Variants in CHIC2 observed in about 807,000 individuals in gnomAD.
The protein encoded by CHIC2 is cysteine rich hydrophobic domain 2, also known as cysteine-rich hydrophobic domain-containing protein 2.
Under a neutral mutation model 25.9 loss-of-function variants are expected in CHIC2, and 14 were observed. The observed-to-expected ratio is 0.54, with a 90% CI of 0.36 to 0.85. The LOEUF is 0.85. CHIC2 is among the 40% of genes least tolerant of loss of function. The pLI is 0.01. For missense variants in CHIC2, 146 were observed against 202.0 expected (o/e 0.72, Z 1.68); for synonymous variants, 70 against 72.0 (o/e 0.97, Z 0.14).
intron 3 of CHIC2, among the ~76,000 whole-genome samples, chr4:54,028,540 G>C (rs1347581829): frequency 6.6e-6 from 1 of 151,528 alleles, no homozygotes; most frequent in Admixed American, 6.6e-5. Flanking sequence ...CACTGGTAAA[G>C]AGTGAGTAAG....
At chr4:54,091,714 C>G in the CHIC2 span, among the ~76,000 whole-genome samples, 1 of 152,212 alleles carries the variant, frequency 6.6e-6, no homozygotes, top group African/African-American at 2.4e-5. Context: ...AAAGGAAAAG[C>G]AATCTCATTC....
chr4:54,087,543 C>T, the CHIC2 span: 1 of 1,155,286 alleles, frequency 8.7e-7, no homozygotes, highest in East Asian at 2.8e-5. Context: ...CCCCTGTATG[C>T]AGAAATCCTC....
intron 3 of CHIC2, among the ~76,000 whole-genome samples, chr4:54,014,818 GAATAA>G (rs1366941127): frequency 1.3e-5 from 2 of 152,100 alleles, no homozygotes; most frequent in African/African-American, 4.8e-5. Context: ...TTGAGAATAT[GAATAA>G]AAGAGGGTAA....
chr4:54,062,982 T>C (rs1458089367), intron 1 of CHIC2, among the ~76,000 whole-genome samples: 1 of 152,238 alleles, frequency 6.6e-6, no homozygotes, highest in Admixed American at 6.5e-5. Flanking sequence ...GTTTTTACCC[T>C]GTTAAGTCAC....
At chr4:54,031,659 C>A (rs1231464165) in intron 3 of CHIC2, among the ~76,000 whole-genome samples, 1 of 128,882 alleles carries the variant, frequency 7.8e-6, no homozygotes, top group Non-Finnish European at 1.5e-5. Flanking sequence ...CACTATGTAG[C>A]CTTAGGCTGG....
At chr4:54,011,542 CA>C (rs1310871295) in intron 5 of CHIC2, among the ~76,000 whole-genome samples, 1 of 152,050 alleles carries the variant, frequency 6.6e-6, no homozygotes, top group Non-Finnish European at 1.5e-5. Flanking sequence ...ACTTAGGAGT[CA>C]ACATTAAATA....
the CHIC2 span, among the ~76,000 whole-genome samples, chr4:54,073,766 GAAGA>G: frequency 6.6e-6 from 1 of 152,318 alleles, no homozygotes; most frequent in East Asian, 1.9e-4. Flanking sequence ...AGCAAGGCTA[GAAGA>G]AAGAGGGACT....
At position 54,010,113 on chromosome 4, in the gene CHIC2, C is replaced by A; in HGVS notation, c.480G>T (p.Pro160=). ...GTAAATGCTAATCTGGTCGAAAAAT[C>A]GGTGTCTTTGGTAAAAATTCTATGA... The part of the protein sequence containing the change: ...VILIEFLPKT[P]IFRPD The change falls in exon 6 of 6, where the codon CCG becomes CCT. Residue 160 remains proline (P), a synonymous_variant. Transcript: ENST00000263921. The A allele has an allele frequency of 6.2e-7, 1 of 1,606,952 alleles. No homozygotes were observed. Among genetic ancestry groups the A allele is most frequent in the South Asian group, 1.1e-5 (1 of 90,750 alleles).
At chr4:54,070,402 T>G in the CHIC2 span, among the ~76,000 whole-genome samples, 107 of 87,580 alleles carry the variant, frequency 1.2e-3, no homozygotes, top group African/African-American at 2.7e-3. Flanking sequence ...ATTTATTTAT[T>G]TATTTATGTA....
At chr4:54,017,490 G>A (rs972182676) in intron 3 of CHIC2, among the ~76,000 whole-genome samples, 5 of 152,124 alleles carry the variant, frequency 3.3e-5, no homozygotes, top group Admixed American at 2.0e-4. Flanking sequence ...AGGGGAAGGG[G>A]CAGTGCAGGC....
intron 3 of CHIC2, among the ~76,000 whole-genome samples, chr4:54,045,678 C>A (rs1328906374): frequency 6.6e-6 from 1 of 151,820 alleles, no homozygotes; most frequent in Non-Finnish European, 1.5e-5. Flanking sequence ...CTATGACAAA[C>A]CCACAGCCAA....
At chr4:54,030,663 C>T (rs1716201908) in intron 3 of CHIC2, among the ~76,000 whole-genome samples, 2 of 142,270 alleles carry the variant, frequency 1.4e-5, no homozygotes. Flanking sequence ...TACTAAAATG[C>T]TAATTTTTTT....
the CHIC2 span, among the ~76,000 whole-genome samples, chr4:54,083,118 C>T: frequency 2.2e-4 from 30 of 138,142 alleles, no homozygotes; most frequent in South Asian, 1.8e-3. Context: ...CGGGTTTAAG[C>T]GATTCTCCTG....
the CHIC2 span, among the ~76,000 whole-genome samples, chr4:54,085,582 G>A: frequency 6.6e-6 from 1 of 152,208 alleles, no homozygotes; most frequent in Admixed American, 6.5e-5. Context: ...CTCCAAATGA[G>A]CTCTAGCTAA....
At chr4:54,041,565 T>C (rs1471589879) in intron 3 of CHIC2, among the ~76,000 whole-genome samples, 1 of 152,168 alleles carries the variant, frequency 6.6e-6, no homozygotes, top group Non-Finnish European at 1.5e-5. Flanking sequence ...CTTCCTATCA[T>C]ATCATTATTA....
intron 3 of CHIC2, among the ~76,000 whole-genome samples, chr4:54,037,082 T>C (rs540864038): frequency 1.3e-5 from 2 of 152,252 alleles, no homozygotes; most frequent in African/African-American, 4.8e-5. Context: ...AAAAAGGGGC[T>C]GGCCAAGCAC....
rs907158120 is a variant in CHIC2 at position 54,023,081 on chromosome 4, G to A, written c.331-8962C>T. ...GACCCCATAGATCCTAATTCCTTTCGCCACTCCTCTTTCCATTCCTTAAAA... is the reference window on the plus strand; with the variant it reads ...GACCCCATAGATCCTAATTCCTTTCACCACTCCTCTTTCCATTCCTTAAAA... On this transcript the variant is annotated intron_variant, in intron 3 of 5. Transcript: ENST00000263921. 7.2e-5 allele frequency among the ~76,000 whole-genome samples: 11 copies of A among 151,782 alleles called. No homozygotes were observed. The East Asian group carries it at 1.5e-3, about 21-fold the overall frequency.
chr4:54,010,221 CAATTTT>C, intron 5 of CHIC2, 76 bp from the exon 6 acceptor site: 1 of 1,043,582 alleles, frequency 9.6e-7, no homozygotes, highest in Non-Finnish European at 1.4e-6. Context: ...TATGCTTTCA[CAATTTT>C]TTTGAAAATC....
intron 1 of CHIC2, 34 bp from the exon 2 acceptor site, chr4:54,049,339 A>G (rs763920389): frequency 1.4e-6 from 2 of 1,434,924 alleles, no homozygotes; most frequent in Admixed American, 2.0e-5. Context: ...ATGTTATTAC[A>G]TGTTATTGTT....
Sources: allele counts gnomAD v4.1 joint callset (sites outside exome capture counted in the v4.1 genomes callset), GRCh38; gene constraint gnomAD v4.1.1; transcripts MANE v1.5; gene names NCBI Gene and HGNC (gene_info 2026-07-23, HGNC 2026-07-21).